Variants in ZNF563 observed in about 807,000 individuals in gnomAD.
ZNF563 encodes the protein zinc finger protein 563.
A neutral mutation model predicts 48.5 loss-of-function variants in ZNF563; 39 were observed. The observed-to-expected ratio is 0.80, with a 90% CI of 0.62 to 1.05. ZNF563 has a LOEUF of 1.05. Among genes scored for constraint, ZNF563 ranks in the 50% least tolerant of loss-of-function variants. The pLI, the probability that ZNF563 is intolerant of heterozygous loss-of-function variation, is 0.00. For synonymous variants in ZNF563, 168 were observed against 187.9 expected, an observed-to-expected ratio of 0.89 and a Z score of 0.87; for missense variants, 538 against 597.0, an observed-to-expected ratio of 0.90 and a Z score of 1.03.
In ZNF563 at chr19:12,319,521, G is replaced by C. The variant is rs1968546593; in HGVS notation, c.504C>G (p.Arg168=). 1 of 1,614,132 alleles carries C rather than the reference G, an allele frequency of 6.2e-7. No homozygotes were observed. Among genetic ancestry groups the C allele is most frequent in the Non-Finnish European group, 8.5e-7 (1 of 1,180,018 alleles). ...TTTTTCCACATTCCTTACACTCATA[G>C]CGTTTCTTTCCAGTGTGAGGCCTTC... is the stretch of plus-strand genomic sequence containing the variant. ...SRGRPHTGKK[R]YECKECGKTF... is the part of the protein sequence containing the mutation. The change falls in exon 4 of 4, where the codon CGC becomes CGG. Residue 168 remains arginine, a synonymous_variant. Coordinates refer to ENST00000293725, the MANE Select transcript of ZNF563 (RefSeq NM_145276.3).
At chr19:12,329,925 C>CT (rs113676690) in intron 1 of ZNF563, among the ~76,000 whole-genome samples, 216 of 145,652 alleles carry the variant, frequency 1.5e-3, no homozygotes, top group Admixed American at 2.4e-3. Flanking sequence ...CTTTTCTTTT[C>CT]TTTTTTTTTT....
At position 12,333,465 on chromosome 19, in the gene ZNF563, A is replaced by G. The variant is rs202040755; in HGVS notation, c.3+15T>C. The G allele has an allele frequency of 6.8e-6, 11 of 1,613,226 alleles. No homozygotes were observed. The Admixed American group carries it at 1.8e-4, about 27-fold the overall frequency. On this transcript the variant is annotated intron_variant, in intron 1 of 3. Coordinates refer to ENST00000293725, the MANE Select transcript of ZNF563 (RefSeq NM_145276.3). ...CTCTTTCCCACTTTTGGGACGCCTG[A>G]CCCTGCACACGCACCATTTCCCGGC... is the stretch of plus-strand genomic sequence containing the variant.
chr19:12,341,978 G>C, the ZNF563 span, among the ~76,000 whole-genome samples: 7,411 of 152,164 alleles, frequency 0.049, 599 homozygotes, highest in African/African-American at 0.17. Flanking sequence ...AACACAAAAG[G>C]TCTTCATACA....
intron 3 of ZNF563, among the ~76,000 whole-genome samples, chr19:12,320,129 G>A (rs1968570995): frequency 6.6e-6 from 1 of 152,090 alleles, no homozygotes; most frequent in South Asian, 2.1e-4. Flanking sequence ...TGCTGGCCAG[G>A]CTGTTCTCGA....
At chr19:12,330,693 T>G (rs1034063234) in intron 1 of ZNF563, among the ~76,000 whole-genome samples, 1 of 152,182 alleles carries the variant, frequency 6.6e-6, no homozygotes, top group Non-Finnish European at 1.5e-5. Flanking sequence ...GACAAATTGT[T>G]ATCTCCAGAA....
At chr19:12,324,218 G>A (rs966411242) in intron 1 of ZNF563, among the ~76,000 whole-genome samples, 4 of 151,988 alleles carry the variant, frequency 2.6e-5, no homozygotes, top group African/African-American at 9.7e-5. Flanking sequence ...AAAATTAGCC[G>A]GGCATGGTGG....
chr19:12,322,134 C>T (rs939679035), intron 2 of ZNF563, among the ~76,000 whole-genome samples: 3 of 152,038 alleles, frequency 2.0e-5, no homozygotes, highest in African/African-American at 7.3e-5. Context: ...TGGCTCACTG[C>T]GACCTCTGCC....
upstream of ZNF563, among the ~76,000 whole-genome samples, chr19:12,334,977 T>C (rs6511784): frequency 0.049 from 7,363 of 151,356 alleles, 589 homozygotes; most frequent in African/African-American, 0.17. Context: ...AAATGGTAAA[T>C]TCTGATTCTA....
intron 1 of ZNF563, among the ~76,000 whole-genome samples, chr19:12,326,468 A>C (rs1347066896): frequency 1.3e-5 from 2 of 152,058 alleles, no homozygotes; most frequent in African/African-American, 2.4e-5. Flanking sequence ...ACATGGTGAA[A>C]TCTCGTCTCT....
At chr19:12,324,627 G>T (rs1167526596) in intron 1 of ZNF563, among the ~76,000 whole-genome samples, 1 of 147,474 alleles carries the variant, frequency 6.8e-6, no homozygotes, top group Non-Finnish European at 1.5e-5. Context: ...TGAGGCAGGA[G>T]AATTGCTTGA....
intron 1 of ZNF563, 115 bp downstream of exon 1, chr19:12,333,365 C>T (rs2145821766): frequency 7.0e-7 from 1 of 1,424,056 alleles, no homozygotes; most frequent in Non-Finnish European, 9.6e-7. Context: ...CAGGGGGACT[C>T]GGGTCCCAGA....
Position 12,322,570 on chromosome 19 carries a change from T to G in ZNF563, c.130+15A>C. On this transcript the variant is annotated intron_variant, in intron 2 of 3. Transcript: ENST00000293725. ...GTCTGTAATTGATTAAGTGAAGACA[T>G]GGTATCATCCTTACTTATACAGTCC... The G allele has an allele frequency of 6.3e-7, 1 of 1,580,536 alleles. No individual in the cohort carries two copies.
upstream of ZNF563, among the ~76,000 whole-genome samples, chr19:12,335,676 T>C (rs1969012569): frequency 6.6e-6 from 1 of 152,194 alleles, no homozygotes; most frequent in South Asian, 2.1e-4. Flanking sequence ...TCAGAGTGGG[T>C]CCTGCCTCAT....
intron 3 of ZNF563, among the ~76,000 whole-genome samples, chr19:12,320,152 G>A (rs750816356): frequency 9.9e-5 from 15 of 151,824 alleles, no homozygotes; most frequent in East Asian, 3.9e-4. Flanking sequence ...TTCTGACCTC[G>A]TGATCCACCC....
intron 1 of ZNF563, among the ~76,000 whole-genome samples, chr19:12,332,525 AT>A (rs1424417741): frequency 6.6e-6 from 1 of 151,750 alleles, no homozygotes; most frequent in Non-Finnish European, 1.5e-5. Context: ...TAATTTTTGT[AT>A]TTTTAGTAGA....
the ZNF563 span, among the ~76,000 whole-genome samples, chr19:12,339,258 G>A: frequency 1.3e-5 from 2 of 148,964 alleles, no homozygotes; most frequent in Non-Finnish European, 3.0e-5. Context: ...TGTCTGACAT[G>A]CATCCAGTTG....
upstream of ZNF563, among the ~76,000 whole-genome samples, chr19:12,336,552 A>G (rs1197799192): frequency 1.3e-5 from 2 of 152,234 alleles, no homozygotes; most frequent in African/African-American, 4.8e-5. Context: ...AGATCGCACC[A>G]TTGTACTCCA....
upstream of ZNF563, among the ~76,000 whole-genome samples, chr19:12,334,178 T>C (rs974179952): frequency 1.1e-4 from 17 of 152,138 alleles, no homozygotes; most frequent in African/African-American, 4.1e-4. Context: ...CTGCTCATTT[T>C]CAGCCAAGGA....
Position 12,322,709 on chromosome 19 carries a change from G to A in ZNF563, c.6C>T (p.Asp2=), listed in dbSNP as rs149145319. 581 of 1,600,402 alleles carry A rather than the reference G, an allele frequency of 3.6e-4. 3 individuals are homozygous for A. The African/African-American group carries it at 6.1e-3, about 17-fold the overall frequency. Residue 2 remains aspartate, a splice_region_variant and synonymous_variant, in exon 2 of 4, where the codon GAC becomes GAT. Transcript: ENST00000293725. The part of the protein sequence containing the change: M[D]AVAFEDVAVN... ...CAGCCACATCCTCAAAGGCCACTGC[G>A]TCCTGAAACATCCCACATAGATAGA...
Sources: allele counts gnomAD v4.1 joint callset (sites outside exome capture counted in the v4.1 genomes callset), GRCh38; gene constraint gnomAD v4.1.1; transcripts MANE v1.5; gene names NCBI Gene and HGNC (gene_info 2026-07-23, HGNC 2026-07-21).